CNTN4: variants seen among roughly 807,000 people sequenced by gnomAD.
CNTN4 encodes the protein contactin 4, also known as contactin-4.
Under a neutral mutation model 122.5 loss-of-function variants are expected in CNTN4, and 77 were observed. The observed-to-expected ratio is 0.63, with a 90% CI of 0.52 to 0.76. The LOEUF (loss-of-function observed/expected upper bound fraction) is 0.76, where lower values mean the gene tolerates loss of function less well. CNTN4 is among the 30% of genes least tolerant of loss of function. CNTN4 has a pLI of 0.00. For synonymous variants in CNTN4, 512 were observed against 447.0 expected (o/e 1.15, Z -1.83); for missense variants, 1,256 against 1,259.1 (o/e 1.00, Z 0.04).
At chr3:2,316,472 A>G (rs900192779) in intron 2 of CNTN4, among the ~76,000 whole-genome samples, 13 of 152,160 alleles carry the variant, frequency 8.5e-5, no homozygotes, top group African/African-American at 3.1e-4. Flanking sequence ...TTATTGAACT[A>G]ATTTAAATAG....
intron 5 of CNTN4, among the ~76,000 whole-genome samples, chr3:2,737,168 C>T (rs190854349): frequency 2.6e-5 from 4 of 152,158 alleles, no homozygotes; most frequent in Admixed American, 2.6e-4. Context: ...ACAACCTCCC[C>T]CTCCCGGGTT....
At chr3:2,942,246 A>G (rs2094623297) in intron 13 of CNTN4, among the ~76,000 whole-genome samples, 1 of 152,210 alleles carries the variant, frequency 6.6e-6, no homozygotes, top group Non-Finnish European at 1.5e-5. Flanking sequence ...AGTAAAGATA[A>G]AAGTAAGTAA....
chr3:2,489,968 C>T (rs114175209), intron 3 of CNTN4, among the ~76,000 whole-genome samples: 255 of 151,948 alleles, frequency 1.7e-3, no homozygotes, highest in African/African-American at 5.3e-3. Flanking sequence ...TCTACAACCA[C>T]TAATAACCAA....
intron 13 of CNTN4, among the ~76,000 whole-genome samples, chr3:2,936,923 G>A (rs1460912843): frequency 2.6e-5 from 4 of 152,202 alleles, no homozygotes; most frequent in South Asian, 2.1e-4. Flanking sequence ...CAAATGGCCT[G>A]TGGCTGGCGG....
chr3:2,247,993 C>T (rs1221745921), intron 2 of CNTN4, among the ~76,000 whole-genome samples: 1 of 151,930 alleles, frequency 6.6e-6, no homozygotes, highest in African/African-American at 2.4e-5. Context: ...TCTCTGCAGT[C>T]TCTCATTCCT....
intron 13 of CNTN4, among the ~76,000 whole-genome samples, chr3:2,964,605 T>C (rs1417914256): frequency 6.6e-6 from 1 of 152,174 alleles, no homozygotes; most frequent in Non-Finnish European, 1.5e-5. Context: ...TAAGCTCCCA[T>C]ATGTGACATA....
intron 10 of CNTN4, among the ~76,000 whole-genome samples, chr3:2,897,215 G>C (rs1205100243): frequency 6.6e-6 from 1 of 152,126 alleles, no homozygotes; most frequent in Non-Finnish European, 1.5e-5. Flanking sequence ...GAAATGAAGA[G>C]ATTGTTTATC....
At chr3:2,268,946 G>A (rs1197329147) in intron 2 of CNTN4, among the ~76,000 whole-genome samples, 1 of 152,014 alleles carries the variant, frequency 6.6e-6, no homozygotes, top group Non-Finnish European at 1.5e-5. Flanking sequence ...TGATTATCTT[G>A]TGCTAAATAG....
intron 3 of CNTN4, among the ~76,000 whole-genome samples, chr3:2,506,899 T>C (rs1182530118): frequency 1.3e-5 from 2 of 152,134 alleles, no homozygotes; most frequent in African/African-American, 2.4e-5. Flanking sequence ...AGAGAGGGCC[T>C]TGACGTTTTT....
intron 15 of CNTN4, among the ~76,000 whole-genome samples, chr3:3,027,478 C>T (rs1348455374): frequency 6.6e-6 from 1 of 152,124 alleles, no homozygotes; most frequent in Admixed American, 6.6e-5. Context: ...ATATTAACTA[C>T]TTCACAAAGA....
Position 2,276,865 on chromosome 3 carries a change from G to A in CNTN4, c.-144-62313G>A, listed in dbSNP as rs367881301. On this transcript the variant is annotated intron_variant, in intron 2 of 24. Coordinates refer to ENST00000418658, the MANE Select transcript of CNTN4 (RefSeq NM_175607.3). ...TGGGAGGCAAAGGTTGCAGTGAGCC[G>A]AGATCGCTCCACTGCACTCCAGCCT... Among the ~76,000 whole-genome samples the A allele has an allele frequency of 2.2e-4, 33 of 152,146 alleles. No individual in the cohort carries two copies. In the East Asian group the frequency reaches 4.8e-3, roughly 22 times the overall value.
intron 13 of CNTN4, among the ~76,000 whole-genome samples, chr3:2,969,483 G>A (rs1287412524): frequency 1.3e-5 from 2 of 151,682 alleles, no homozygotes; most frequent in African/African-American, 4.8e-5. Flanking sequence ...TGGTCTGAAA[G>A]TGGGGAGACA....
chr3:2,958,886 C>T (rs1318341271), intron 13 of CNTN4, among the ~76,000 whole-genome samples: 1 of 152,152 alleles, frequency 6.6e-6, no homozygotes, highest in Non-Finnish European at 1.5e-5. Context: ...CTTTATAACT[C>T]CAGAGCAACT....
Position 2,698,873 on chromosome 3 carries a change from A to G in CNTN4, c.56-37342A>G, listed in dbSNP as rs1162665200. ...TCTCTACTAAAAATACAAAACAAAA[A>G]TTAGCCAGGTGTGGTGGCAGGCTCC... On this transcript the variant is annotated intron_variant, in intron 4 of 24. Coordinates refer to ENST00000418658, the MANE Select transcript of CNTN4 (RefSeq NM_175607.3). 3.9e-5 allele frequency among the ~76,000 whole-genome samples: 6 copies of G among 152,222 alleles called. 1 individual carries two copies. The South Asian group carries it at 1.2e-3, about 32-fold the overall frequency.
At chr3:3,025,427 A>G (rs1698645154) in intron 14 of CNTN4, among the ~76,000 whole-genome samples, 1 of 152,160 alleles carries the variant, frequency 6.6e-6, no homozygotes, top group Non-Finnish European at 1.5e-5. Context: ...CAGATTATAA[A>G]ATTATGTTGA....
chr3:2,230,666 T>C (rs1482765044), intron 2 of CNTN4, among the ~76,000 whole-genome samples: 2 of 152,142 alleles, frequency 1.3e-5, no homozygotes, highest in African/African-American at 2.4e-5. Context: ...ATAATAATGT[T>C]ATGTGTCTGC....
intron 2 of CNTN4, among the ~76,000 whole-genome samples, chr3:2,142,011 T>G (rs2035018480): frequency 6.6e-6 from 1 of 152,206 alleles, no homozygotes; most frequent in Non-Finnish European, 1.5e-5. Flanking sequence ...CATTATGTAT[T>G]TCTTCATCCT....
intron 2 of CNTN4, among the ~76,000 whole-genome samples, chr3:2,175,689 G>A (rs570954989): frequency 2.6e-5 from 4 of 152,204 alleles, no homozygotes; most frequent in Non-Finnish European, 4.4e-5. Flanking sequence ...ACCAGAGGTG[G>A]GTCCCTGTCC....
intron 3 of CNTN4, among the ~76,000 whole-genome samples, chr3:2,483,189 T>A (rs2076055876): frequency 1.3e-5 from 2 of 152,044 alleles, no homozygotes; most frequent in Non-Finnish European, 2.9e-5. Context: ...GACATGGGAG[T>A]TAAAGGAGAT....
Sources: gnomAD v4.1 joint callset for allele counts (sites outside exome capture counted in the v4.1 genomes callset) on GRCh38, gnomAD v4.1.1 for gene constraint, MANE v1.5 for transcripts, NCBI Gene and HGNC (gene_info 2026-07-23, HGNC 2026-07-21) for gene names.